TBC1D1: variants seen among roughly 807,000 people sequenced by gnomAD.
TBC1D1 encodes TBC1 domain family member 1, also known as TBC1 (tre-2/USP6, BUB2, cdc16) domain family, member 1.
TBC1D1 carries 89 observed loss-of-function variants against 125.6 expected under a neutral mutation model. The observed-to-expected ratio is 0.71, with a 90% CI of 0.60 to 0.85. The LOEUF (loss-of-function observed/expected upper bound fraction) is 0.85, where lower values mean the gene tolerates loss of function less well. TBC1D1 is among the 40% of genes least tolerant of loss of function. The pLI, the probability that TBC1D1 is intolerant of heterozygous loss-of-function variation, is 0.00. For missense variants in TBC1D1, 1,377 were observed against 1,469.2 expected, an observed-to-expected ratio of 0.94 and a Z score of 1.03; for synonymous variants, 565 against 564.1, an observed-to-expected ratio of 1.00 and a Z score of -0.02.
intron 7 of TBC1D1, among the ~76,000 whole-genome samples, chr4:38,034,400 A>G (rs960975685): frequency 6.6e-6 from 1 of 152,266 alleles, no homozygotes; most frequent in Non-Finnish European, 1.5e-5. Context: ...GAAGGCCTCA[A>G]TGAAAACAAA....
At position 38,137,194 on chromosome 4, in the gene TBC1D1, G is replaced by C. The variant is rs1330541996; in HGVS notation, c.3366G>C (p.Glu1122Asp). Residue 1122 changes from glutamate (E) to aspartate (D), a missense_variant, in exon 20 of 20, where the codon GAG becomes GAC. This residue lies in a region of TBC1D1 where 543 missense variants were observed against 613.5 expected (regional missense o/e 0.89). Transcript: ENST00000261439. ...CCATTGAGAAGCTCCTGAGCAGTGA[G>C]AGCAAGCTGAAGCAGGCCATGCTTA... 2.5e-5 allele frequency: 40 copies of C among 1,613,254 alleles called. No individual in the cohort carries two copies. Among genetic ancestry groups the C allele is most frequent in the Non-Finnish European group, 3.3e-5 (39 of 1,180,024 alleles).
At chr4:38,097,440 C>T (rs1286136371) in intron 14 of TBC1D1, among the ~76,000 whole-genome samples, 1 of 150,578 alleles carries the variant, frequency 6.6e-6, no homozygotes, top group Non-Finnish European at 1.5e-5. Context: ...CCCGGGTTCA[C>T]ACCATTCTCC....
chr4:38,113,818 C>T (rs149767523), intron 15 of TBC1D1, among the ~76,000 whole-genome samples: 1 of 152,278 alleles, frequency 6.6e-6, no homozygotes, highest in Non-Finnish European at 1.5e-5. Context: ...GTATAAAGAA[C>T]ACACTGGATT....
intron 14 of TBC1D1, among the ~76,000 whole-genome samples, chr4:38,097,095 G>A (rs1363793577): frequency 6.6e-6 from 1 of 152,112 alleles, no homozygotes; most frequent in Admixed American, 6.6e-5. Context: ...TCTGAATAAG[G>A]GTTTCAAGTA....
At chr4:37,895,568 G>C (rs1024922376) in intron 1 of TBC1D1, among the ~76,000 whole-genome samples, 1 of 152,136 alleles carries the variant, frequency 6.6e-6, no homozygotes, top group African/African-American at 2.4e-5. Flanking sequence ...GCCGGGCATG[G>C]TAGCACACAC....
Position 38,107,791 on chromosome 4 carries a change from A to G in TBC1D1, c.2557+4634A>G, listed in dbSNP as rs983500453. On this transcript the variant is annotated intron_variant, in intron 15 of 19. Coordinates refer to ENST00000261439, the MANE Select transcript of TBC1D1 (RefSeq NM_015173.4). Reference sequence around the variant, plus strand: ...CCTTAAGAGCTTGAGTTCTCTGCCCACATTGCGAGTTACTCAGTGCCAGAA... The same window carrying G: ...CCTTAAGAGCTTGAGTTCTCTGCCCGCATTGCGAGTTACTCAGTGCCAGAA... Among the ~76,000 whole-genome samples, 3 of 152,072 alleles carry G rather than the reference A, an allele frequency of 2.0e-5. No homozygotes were observed. The East Asian group carries it at 5.8e-4, about 29-fold the overall frequency.
intron 2 of TBC1D1, among the ~76,000 whole-genome samples, chr4:37,945,237 G>A (rs73236844): frequency 0.089 from 13,535 of 152,002 alleles, 755 homozygotes; most frequent in Middle Eastern, 0.14. Flanking sequence ...AGGTAGGCTG[G>A]GTGTGGTGGC....
At chr4:38,078,128 GAAAGGACA>G in intron 12 of TBC1D1, among the ~76,000 whole-genome samples, 1 of 152,294 alleles carries the variant, frequency 6.6e-6, no homozygotes, top group African/African-American at 2.4e-5. Context: ...GAATTCAAAA[GAAAGGACA>G]GCTCTGAGCC....
intron 2 of TBC1D1, among the ~76,000 whole-genome samples, chr4:37,917,113 T>C (rs1719898319): frequency 6.6e-6 from 1 of 151,978 alleles, no homozygotes; most frequent in African/African-American, 2.4e-5. Context: ...TCTGAGTATC[T>C]CACTCCCTCC....
chr4:38,003,368 C>T (rs544497552), intron 2 of TBC1D1, among the ~76,000 whole-genome samples: 2 of 152,182 alleles, frequency 1.3e-5, no homozygotes, highest in South Asian at 2.1e-4. Flanking sequence ...CATTCATACT[C>T]ATATTTGAGA....
chr4:37,979,982 T>G (rs1030751893), intron 2 of TBC1D1, among the ~76,000 whole-genome samples: 4 of 152,238 alleles, frequency 2.6e-5, no homozygotes, highest in African/African-American at 9.6e-5. Flanking sequence ...TTTCTCCATG[T>G]TGGTCAGGCT....
chr4:38,125,330 C>A (rs1403070460), intron 18 of TBC1D1, among the ~76,000 whole-genome samples, 199 bp downstream of exon 20: 1 of 152,126 alleles, frequency 6.6e-6, no homozygotes, highest in East Asian at 1.9e-4. Flanking sequence ...GGTGAAATGC[C>A]ACATGGAAAC....
intron 2 of TBC1D1, among the ~76,000 whole-genome samples, chr4:37,913,355 T>A (rs1719007210): frequency 6.6e-6 from 1 of 152,016 alleles, no homozygotes; most frequent in Non-Finnish European, 1.5e-5. Flanking sequence ...TCCCAGCACT[T>A]TGGGAGGCTT....
At position 38,115,960 on chromosome 4, in the gene TBC1D1, G is replaced by A. The variant is rs779969712; in HGVS notation, c.2802+6G>A. ...CAGACATGATTATTTTACAGGTATA[G>A]AGTGTTCCTTATGTCTTTAATACAA... is the stretch of plus-strand genomic sequence containing the variant. On this transcript the variant is annotated splice_donor_region_variant and intron_variant, in intron 16 of 19. Coordinates refer to ENST00000261439, the MANE Select transcript of TBC1D1 (RefSeq NM_015173.4). 6 of 1,613,274 alleles carry A rather than the reference G, an allele frequency of 3.7e-6. No individual in the cohort carries two copies. The Admixed American group carries it at 1.0e-4, about 27-fold the overall frequency.
chr4:37,906,241 G>A (rs1717304823), intron 2 of TBC1D1, among the ~76,000 whole-genome samples: 2 of 151,940 alleles, frequency 1.3e-5, no homozygotes, highest in African/African-American at 2.4e-5. Flanking sequence ...TCTGCCTCCC[G>A]GGCTCAAGCG....
chr4:38,046,996 A>C (rs1749613499), intron 10 of TBC1D1, among the ~76,000 whole-genome samples: 1 of 152,188 alleles, frequency 6.6e-6, no homozygotes, highest in Admixed American at 6.5e-5. Flanking sequence ...TTTCTAACCT[A>C]CAGTAAGAAG....
intron 18 of TBC1D1, among the ~76,000 whole-genome samples, chr4:38,125,385 A>T (rs1199207316): frequency 2.6e-5 from 4 of 152,222 alleles, no homozygotes; most frequent in African/African-American, 4.8e-5. Flanking sequence ...GGTTATTAGT[A>T]GTTTCTTACA....
At chr4:38,130,990 G>A (rs1765493012) in intron 18 of TBC1D1, among the ~76,000 whole-genome samples, 2 of 152,134 alleles carry the variant, frequency 1.3e-5, no homozygotes, top group Admixed American at 6.5e-5. Context: ...TGAAGCCCTC[G>A]TTCAGTGACC....
At chr4:38,022,705 G>A (rs768644918) in intron 6 of TBC1D1, among the ~76,000 whole-genome samples, 15 of 152,350 alleles carry the variant, frequency 9.8e-5, no homozygotes, top group South Asian at 2.1e-4. Flanking sequence ...ACTGCAGGGA[G>A]GGGCCAGGGG....
Sources: gnomAD v4.1 joint callset for allele counts (sites outside exome capture counted in the v4.1 genomes callset) on GRCh38, gnomAD v4.1.1 for gene constraint, gnomAD v4.1.1 regional missense constraint, MANE v1.5 for transcripts, NCBI Gene and HGNC (gene_info 2026-07-23, HGNC 2026-07-21) for gene names.